Variants in BRDT observed in about 807,000 individuals in gnomAD.
BRDT encodes the protein bromodomain testis associated.
In BRDT, 77 loss-of-function variants were observed where a neutral mutation model predicts 113.9. The observed-to-expected ratio is 0.68, with a 90% CI of 0.56 to 0.82. The LOEUF (loss-of-function observed/expected upper bound fraction) is 0.82, where lower values mean the gene tolerates loss of function less well. Ranked by LOEUF, BRDT falls within the 40% of genes least tolerant of loss-of-function variation. The pLI is 0.00. For missense variants in BRDT, 1,027 were observed against 1,105.4 expected, an observed-to-expected ratio of 0.93 and a Z score of 1.01; for synonymous variants, 358 against 366.5, an observed-to-expected ratio of 0.98 and a Z score of 0.26.
At position 92,014,391 on chromosome 1, in the gene BRDT, C is replaced by T; in HGVS notation, c.*117C>T. ...CCAATCTTATATTGTATTTTGACTG[C>T]TCTAAAATGATTAAACAGTTTTCAC... On this transcript the variant is annotated 3_prime_UTR_variant, in exon 19 of 19. Coordinates refer to ENST00000399546, the MANE Select transcript of BRDT (RefSeq NM_207189.4). The T allele has an allele frequency of 1.6e-6, 1 of 610,564 alleles. No individual in the cohort carries two copies. Among genetic ancestry groups the T allele is most frequent in the Non-Finnish European group, 2.7e-6 (1 of 376,734 alleles). 37.8% of individuals were successfully genotyped at this position (610,564 alleles called of 1,614,324 possible). A position where few individuals can be genotyped will look rare whatever the true frequency, so the allele number is the denominator to read the frequency against.
At chr1:91,963,113 C>T (rs545751381) in intron 2 of BRDT, among the ~76,000 whole-genome samples, 167 bp downstream of exon 2, 149 of 152,264 alleles carry the variant, frequency 9.8e-4, no homozygotes, top group Non-Finnish European at 1.9e-3. Context: ...CACCTGAGGT[C>T]GGGAGTTCGA....
chr1:91,968,303 T>TC, intron 4 of BRDT, 43 bp downstream of exon 4: 1 of 1,598,658 alleles, frequency 6.3e-7, no homozygotes, highest in Non-Finnish European at 8.5e-7. Flanking sequence ...TCTCTTTTTT[T>TC]CCCCTATCTA....
chr1:91,950,902 GTAGTCCTAGC>G (rs1680993414), intron 1 of BRDT: 1 of 152,108 alleles, frequency 6.6e-6, no homozygotes, highest in South Asian at 2.1e-4. Context: ...GTGGGTGCCT[GTAGTCCTAGC>G]TAGTTGGGAG....
At chr1:92,008,250 G>A (rs185587042) in intron 18 of BRDT, among the ~76,000 whole-genome samples, 1 of 152,170 alleles carries the variant, frequency 6.6e-6, no homozygotes, top group Non-Finnish European at 1.5e-5. Flanking sequence ...TATCCAAATA[G>A]TGTAATTTTC....
chr1:91,980,252 C>A (rs1391682377), intron 8 of BRDT, among the ~76,000 whole-genome samples: 8 of 151,738 alleles, frequency 5.3e-5, no homozygotes, highest in Non-Finnish European at 7.4e-5. Context: ...ACAAAAAAAT[C>A]AAAAAAACGA....
At chr1:91,990,434 T>C (rs930053217) in intron 12 of BRDT, among the ~76,000 whole-genome samples, 9 of 152,228 alleles carry the variant, frequency 5.9e-5, no homozygotes, top group Admixed American at 3.9e-4. Context: ...CCTTCTCTTA[T>C]AGTAAATTCT....
At chr1:91,951,577 G>C (rs142550460) in intron 1 of BRDT, among the ~76,000 whole-genome samples, 10,182 of 151,848 alleles carry the variant, frequency 0.067, 402 homozygotes, top group African/African-American at 0.097. Flanking sequence ...TTGAAGACCA[G>C]CCTGGCCAAC....
At chr1:91,970,370 G>A (rs532530597) in intron 4 of BRDT, among the ~76,000 whole-genome samples, 4 of 152,148 alleles carry the variant, frequency 2.6e-5, no homozygotes, top group Non-Finnish European at 2.9e-5. Context: ...GGGCTTAAAC[G>A]GTCCTCCCAC....
At chr1:91,970,807 C>T (rs537683375) in intron 4 of BRDT, among the ~76,000 whole-genome samples, 5 of 150,946 alleles carry the variant, frequency 3.3e-5, no homozygotes, top group Non-Finnish European at 7.4e-5. Flanking sequence ...TCCTCAAGAG[C>T]CTGAGGTGGG....
chr1:91,993,794 G>A (rs1372156981), intron 14 of BRDT, among the ~76,000 whole-genome samples: 1 of 152,050 alleles, frequency 6.6e-6, no homozygotes, highest in Non-Finnish European at 1.5e-5. Context: ...TAATATACAT[G>A]TATACTCATG....
At chr1:91,961,986 A>G (rs998869907) in intron 1 of BRDT, among the ~76,000 whole-genome samples, 3 of 151,684 alleles carry the variant, frequency 2.0e-5, no homozygotes, top group Non-Finnish European at 2.9e-5. Flanking sequence ...TCTACTAAAA[A>G]TACAAAAAGT....
intron 1 of BRDT, among the ~76,000 whole-genome samples, chr1:91,953,594 C>G (rs908514889): frequency 2.0e-5 from 3 of 152,060 alleles, no homozygotes; most frequent in African/African-American, 4.8e-5. Flanking sequence ...GCAGGAGAAT[C>G]GCTTGAACCT....
At position 91,969,229 on chromosome 1, in the gene BRDT, C is replaced by T. The variant is rs189164361; in HGVS notation, c.445+969C>T. ...TGCTGGGATTACAGGCGTGAGCCAC[C>T]GCGCCTGGCCCTAAAAATATTTATC... is the stretch of plus-strand genomic sequence containing the variant. On this transcript the variant is annotated intron_variant, in intron 4 of 18. Transcript: ENST00000399546. 4.1e-3 allele frequency among the ~76,000 whole-genome samples: 623 copies of T among 152,080 alleles called. 7 individuals carry two copies. The highest frequency in any genetic ancestry group is 0.014 in the African/African-American group (584 of 41,498).
chr1:91,975,498 A>G lies in BRDT; in HGVS notation c.446-768A>G, dbSNP rs969836197. Among the ~76,000 whole-genome samples the G allele has an allele frequency of 2.0e-5, 3 of 152,302 alleles. No individual in the cohort carries two copies. In the South Asian group the frequency reaches 6.2e-4, roughly 32 times the overall value. The stretch of plus-strand genomic sequence containing the variant: ...GAAAGACCTGCCTGGATGTTATTGC[A>G]ATAATTGAGTTGTGCACTGATGATG... On this transcript the variant is annotated intron_variant, in intron 4 of 18. Transcript: ENST00000399546.
chr1:91,964,848 A>G (rs1314835644), intron 3 of BRDT, 84 bp downstream of exon 3: 2 of 1,022,032 alleles, frequency 2.0e-6, no homozygotes, highest in African/African-American at 3.3e-5. Flanking sequence ...ATCATTTCAG[A>G]TTTCAATTCT....
At chr1:91,983,760 C>A (rs1444001811) in intron 12 of BRDT, among the ~76,000 whole-genome samples, 1 of 150,880 alleles carries the variant, frequency 6.6e-6, no homozygotes, top group Admixed American at 6.6e-5. Context: ...GTGATTGTGG[C>A]CTCCTCCGCC....
At chr1:91,958,322 T>A (rs1682030610) in intron 1 of BRDT, among the ~76,000 whole-genome samples, 1 of 150,916 alleles carries the variant, frequency 6.6e-6, no homozygotes, top group Non-Finnish European at 1.5e-5. Flanking sequence ...TTCAAGCGAT[T>A]CTCATGCCTC....
chr1:91,986,099 A>G (rs1685213721), intron 12 of BRDT, among the ~76,000 whole-genome samples: 2 of 152,240 alleles, frequency 1.3e-5, no homozygotes, highest in Admixed American at 1.3e-4. Context: ...TTTTAAAATG[A>G]TTTTTCATAA....
intron 15 of BRDT, among the ~76,000 whole-genome samples, chr1:91,997,499 A>G (rs942609077): frequency 6.6e-6 from 1 of 152,208 alleles, no homozygotes; most frequent in Non-Finnish European, 1.5e-5. Flanking sequence ...TAACTAGAGT[A>G]TGTTTTATAA....
Sources: allele counts gnomAD v4.1 joint callset (sites outside exome capture counted in the v4.1 genomes callset), GRCh38; gene constraint gnomAD v4.1.1; transcripts MANE v1.5; gene names NCBI Gene and HGNC (gene_info 2026-07-23, HGNC 2026-07-21).